SLCO6A1: variants seen among roughly 807,000 people sequenced by gnomAD.
SLCO6A1 encodes solute carrier organic anion transporter family member 6A1.
In SLCO6A1, 65 loss-of-function variants were observed where a neutral mutation model predicts 72.7. That is an observed-to-expected ratio of 0.89 (90% CI 0.73 to 1.10). The LOEUF (loss-of-function observed/expected upper bound fraction) is 1.10. Ranked by LOEUF, SLCO6A1 falls within the 50% of genes least tolerant of loss-of-function variation. The pLI is 0.00. For missense variants in SLCO6A1, 874 were observed against 872.6 expected, an observed-to-expected ratio of 1.00 and a Z score of -0.02; for synonymous variants, 314 against 298.2, an observed-to-expected ratio of 1.05 and a Z score of -0.55.
chr5:102,419,137 T>G (rs1402367527), intron 8 of SLCO6A1, among the ~76,000 whole-genome samples: 1 of 152,180 alleles, frequency 6.6e-6, no homozygotes, highest in African/African-American at 2.4e-5. Flanking sequence ...CTCCATGGTT[T>G]GCCTTTTCCC....
intron 2 of SLCO6A1, among the ~76,000 whole-genome samples, chr5:102,478,670 G>A (rs1192287604): frequency 1.3e-5 from 2 of 152,098 alleles, no homozygotes; most frequent in African/African-American, 2.4e-5. Flanking sequence ...AAATGCTTGT[G>A]TAATTAAATT....
chr5:102,472,757 TAA>T (rs1751693990), intron 4 of SLCO6A1, among the ~76,000 whole-genome samples: 1 of 151,746 alleles, frequency 6.6e-6, no homozygotes, highest in Non-Finnish European at 1.5e-5. Context: ...AAAAAAGAGA[TAA>T]GACTCAAATA....
intron 6 of SLCO6A1, among the ~76,000 whole-genome samples, chr5:102,440,184 T>C (rs947806043): frequency 6.6e-6 from 1 of 152,312 alleles, no homozygotes; most frequent in Non-Finnish European, 1.5e-5. Context: ...AGCCTTCAGA[T>C]GGTTCCATTC....
intron 4 of SLCO6A1, among the ~76,000 whole-genome samples, chr5:102,471,776 C>T (rs1372688952): frequency 6.6e-6 from 1 of 151,972 alleles, no homozygotes; most frequent in Non-Finnish European, 1.5e-5. Flanking sequence ...AGTTAACTCA[C>T]ACTAGATCAT....
intron 9 of SLCO6A1, among the ~76,000 whole-genome samples, chr5:102,410,746 T>C (rs1343513115): frequency 6.6e-6 from 1 of 152,156 alleles, no homozygotes; most frequent in African/African-American, 2.4e-5. Context: ...TTAAATAGCC[T>C]CAATTTACAT....
intron 12 of SLCO6A1, among the ~76,000 whole-genome samples, chr5:102,385,341 T>C (rs1355874395): frequency 2.0e-5 from 3 of 152,162 alleles, no homozygotes; most frequent in African/African-American, 7.2e-5. Context: ...GATATTCATT[T>C]CTCTCTCCAG....
At chr5:102,471,787 T>C (rs191152996) in intron 4 of SLCO6A1, among the ~76,000 whole-genome samples, 10 of 152,098 alleles carry the variant, frequency 6.6e-5, no homozygotes, top group South Asian at 4.1e-4. Context: ...ACTAGATCAT[T>C]TGAAGAGTGA....
intron 1 of SLCO6A1, among the ~76,000 whole-genome samples, chr5:102,482,791 A>G (rs1239548788): frequency 6.6e-6 from 1 of 152,238 alleles, no homozygotes; most frequent in African/African-American, 2.4e-5. Context: ...TAGCAGGACC[A>G]TGATGACAAA....
At chr5:102,453,185 G>A (rs1257070620) in intron 6 of SLCO6A1, among the ~76,000 whole-genome samples, 1 of 151,906 alleles carries the variant, frequency 6.6e-6, no homozygotes, top group Non-Finnish European at 1.5e-5. Flanking sequence ...AACATAGTGA[G>A]ATTTCTCTAC....
intron 4 of SLCO6A1, among the ~76,000 whole-genome samples, chr5:102,460,780 G>A (rs913616702): frequency 6.6e-6 from 1 of 151,764 alleles, no homozygotes; most frequent in Admixed American, 6.6e-5. Context: ...GGAATGTAGA[G>A]AATGTACACT....
In SLCO6A1 at chr5:102,478,203, A is replaced by G. The variant is rs140418476; in HGVS notation, c.617-342T>C. 5.5e-3 allele frequency among the ~76,000 whole-genome samples: 845 copies of G among 152,306 alleles called. 1 individual carries two copies. The highest frequency in any genetic ancestry group is 8.9e-3 in the Non-Finnish European group (604 of 68,012). Reference sequence around the variant, plus strand: ...AGAAATTGTGTGGGAATCCTGCAAAAGATGCATATATTATAAACCAAAACA... The same window carrying G: ...AGAAATTGTGTGGGAATCCTGCAAAGGATGCATATATTATAAACCAAAACA... On this transcript the variant is annotated intron_variant, in intron 2 of 13. Coordinates refer to ENST00000506729, the MANE Select transcript of SLCO6A1 (RefSeq NM_173488.5).
chr5:102,414,626 G>C (rs373114800), intron 8 of SLCO6A1, among the ~76,000 whole-genome samples: 2 of 152,292 alleles, frequency 1.3e-5, no homozygotes, highest in East Asian at 3.9e-4. Context: ...GGGCACGATG[G>C]CTCATGCCTA....
intron 12 of SLCO6A1, among the ~76,000 whole-genome samples, chr5:102,385,395 A>AC (rs929610581): frequency 2.0e-5 from 3 of 151,914 alleles, no homozygotes; most frequent in Non-Finnish European, 2.9e-5. Flanking sequence ...TAAGCTTTCT[A>AC]CCCCTTTATC....
chr5:102,377,302 T>C (rs756385093), intron 12 of SLCO6A1, among the ~76,000 whole-genome samples: 1 of 152,184 alleles, frequency 6.6e-6, no homozygotes, highest in Non-Finnish European at 1.5e-5. Context: ...GCAATTTCTA[T>C]AAAGCACAAG....
At chr5:102,497,920 C>T (rs1332342084) in intron 1 of SLCO6A1, among the ~76,000 whole-genome samples, 1 of 152,162 alleles carries the variant, frequency 6.6e-6, no homozygotes, top group East Asian at 1.9e-4. Flanking sequence ...GGGAAAACAT[C>T]ATTATTGTAA....
intron 12 of SLCO6A1, among the ~76,000 whole-genome samples, chr5:102,381,861 G>A (rs1483327807): frequency 6.7e-6 from 1 of 149,166 alleles, no homozygotes; most frequent in East Asian, 2.0e-4. Flanking sequence ...CCATTTTTAT[G>A]TCATCTTTTA....
chr5:102,400,618 A>C (rs550380400), intron 9 of SLCO6A1, among the ~76,000 whole-genome samples: 56 of 152,138 alleles, frequency 3.7e-4, no homozygotes, highest in Admixed American at 3.4e-3. Context: ...ATTTATTGGA[A>C]ATATTCTAAA....
intron 9 of SLCO6A1, among the ~76,000 whole-genome samples, chr5:102,402,677 C>T (rs1243035932): frequency 6.6e-6 from 1 of 152,006 alleles, no homozygotes; most frequent in Admixed American, 6.6e-5. Context: ...TATAGCAACC[C>T]ACCATGACAA....
chr5:102,456,274 T>G (rs960290808), intron 6 of SLCO6A1, among the ~76,000 whole-genome samples: 1 of 151,920 alleles, frequency 6.6e-6, no homozygotes, highest in Non-Finnish European at 1.5e-5. Flanking sequence ...GGTAGGAGAA[T>G]GAAATAAAGG....
Sources: allele counts gnomAD v4.1 joint callset (sites outside exome capture counted in the v4.1 genomes callset), GRCh38; gene constraint gnomAD v4.1.1; transcripts MANE v1.5; gene names NCBI Gene and HGNC (gene_info 2026-07-23, HGNC 2026-07-21).